The following CIC variants were observed in gnomAD, a reference collection of about 807,000 sequenced individuals.
The protein encoded by CIC is capicua transcriptional repressor.
Under a neutral mutation model 115.7 loss-of-function variants are expected in CIC, and 18 were observed. The ratio of observed to expected loss-of-function variants is 0.16; its 90% CI spans 0.11 to 0.23. The LOEUF (loss-of-function observed/expected upper bound fraction) is 0.23. Among genes scored for constraint, CIC ranks in the 10% least tolerant of loss-of-function variants. CIC has a pLI of 1.00. For missense variants in CIC, 2,000 were observed against 2,159.3 expected (o/e 0.93, Z 1.46); for synonymous variants, 1,076 against 923.0 (o/e 1.17, Z -3.01).
In CIC at chr19:42,270,740, G is replaced by A. The variant is rs1052843780; in HGVS notation, c.-10-1034G>A. Among the ~76,000 whole-genome samples, 1 of 152,066 alleles carries A rather than the reference G, an allele frequency of 6.6e-6. No homozygotes were observed. The highest frequency in any genetic ancestry group is 1.5e-5 in the Non-Finnish European group (1 of 67,986). On this transcript the variant is annotated intron_variant, in intron 1 of 20. Transcript: ENST00000681038. The surrounding 1 kb of genome is among the most constrained non-coding windows in gnomAD (Gnocchi z 4.1). ...GGGCTGGGCTTGCGGGTATCACGCT[G>A]GGTGCTGTGGGGGGAGGAGCAGGCT...
chr19:42,288,583 A>G (rs187693850), intron 7 of CIC, among the ~76,000 whole-genome samples: 1 of 152,174 alleles, frequency 6.6e-6, no homozygotes, highest in East Asian at 1.9e-4. Context: ...CCTCTTTGAG[A>G]TGAGGGAACC....
rs1388818761 is a variant in CIC at position 42,273,778 on chromosome 19, C to T, written c.1995C>T (p.Ala665=). 1 of 398,652 alleles carries T rather than the reference C, an allele frequency of 2.5e-6. No homozygotes were observed. The highest frequency in any genetic ancestry group is 4.4e-6 in the Non-Finnish European group (1 of 226,114). 24.7% of individuals were successfully genotyped at this position (398,652 alleles called of 1,614,324 possible). The change falls in exon 2 of 21, where the codon GCC becomes GCT. Residue 665 remains alanine (A), a synonymous_variant. Transcript: ENST00000681038. ...CAGTCCGCAGTCGCCACCTGAGCGC[C>T]AGCACCCCTAAGGCAGGCGTGCTGA... The part of the protein sequence containing the change: ...RTAVRSRHLS[A]STPKAGVLTP...
Position 42,292,698 on chromosome 19 carries a change from C to T in CIC, c.6035C>T (p.Thr2012Ile). The change falls in exon 15 of 21, where the codon ACC (threonine) becomes ATC (isoleucine). Residue 2012 changes from threonine (T) to isoleucine (I), a missense_variant. This residue lies in a region of CIC where 1,466 missense variants were observed against 1,390.4 expected (regional missense o/e 1.05). Transcript: ENST00000681038. ...TTTTACTCTGGCAGCCCTGCACCCACCTCCTCAGCACCCCTGGCCCAGCCA... is the reference window on the plus strand; with the variant it reads ...TTTTACTCTGGCAGCCCTGCACCCATCTCCTCAGCACCCCTGGCCCAGCCA... ...TAFYSGSPAP[T>I]SSAPLAQPSQ... 6.2e-7 allele frequency: 1 copy of T among 1,613,846 alleles called. No homozygotes were observed. The highest frequency in any genetic ancestry group is 8.5e-7 in the Non-Finnish European group (1 of 1,179,968).
intron 2 of CIC, among the ~76,000 whole-genome samples, chr19:42,276,028 T>C (rs1050144801): frequency 2.0e-5 from 3 of 152,170 alleles, no homozygotes; most frequent in African/African-American, 7.2e-5. Flanking sequence ...CCAGAGAAGA[T>C]GCCTGTCCAG....
At chr19:42,292,023 G>T in intron 12 of CIC, 63 bp from the exon 13 acceptor site, 1 of 1,610,204 alleles carries the variant, frequency 6.2e-7, no homozygotes, top group South Asian at 1.1e-5. Context: ...TGAGGTCTTG[G>T]TCTTCCCCTG....
In CIC at chr19:42,291,558, C is replaced by T. The variant is rs1355318527; in HGVS notation, c.5426C>T (p.Ala1809Val). 6.2e-7 allele frequency: 1 copy of T among 1,612,972 alleles called. No individual in the cohort carries two copies. The highest frequency in any genetic ancestry group is 1.1e-5 in the South Asian group (1 of 91,090). The part of the protein sequence containing the change: ...QSVPSAPPPK[A>V]QSVSPVQAPP... ...TCCTTTCTTGCCTCTTAACTTCCAG[C>T]CCAGTCAGTTTCTCCCGTGCAGGCC... Residue 1809 changes from alanine to valine, a missense_variant and splice_region_variant, in exon 12 of 21, where the codon GCC becomes GTC. Around this residue, in one of 8 missense-constraint regions of CIC, gnomAD observed 1,466 missense variants for 1,390.4 expected, o/e 1.05. Transcript: ENST00000681038.
chr19:42,288,195 C>G (rs1367542692), intron 7 of CIC, among the ~76,000 whole-genome samples: 1 of 152,234 alleles, frequency 6.6e-6, no homozygotes, highest in Non-Finnish European at 1.5e-5. Context: ...TCGTTATCAA[C>G]TGTTGTTTAA....
intron 1 of CIC, among the ~76,000 whole-genome samples, chr19:42,271,026 A>C (rs1259221523): frequency 7.9e-6 from 1 of 126,718 alleles, no homozygotes; most frequent in African/African-American, 3.1e-5. Flanking sequence ...TCAGCTGCCC[A>C]CTTCTTCCCA....
intron 7 of CIC, 32 bp downstream of exon 7, chr19:42,288,007 C>T: frequency 6.4e-7 from 1 of 1,563,716 alleles, no homozygotes. Context: ...CCCACCCTGC[C>T]ACCTCCCTCC....
At chr19:42,281,279 T>A (rs1460638558) in intron 2 of CIC, among the ~76,000 whole-genome samples, 3 of 152,050 alleles carry the variant, frequency 2.0e-5, no homozygotes, top group Non-Finnish European at 4.4e-5. Flanking sequence ...GCGGGCTCAA[T>A]AAATGGGCCC....
chr19:42,281,625 CT>C (rs2037257471), intron 2 of CIC, among the ~76,000 whole-genome samples: 1 of 152,170 alleles, frequency 6.6e-6, no homozygotes, highest in South Asian at 2.1e-4. Context: ...CTCCCCTCTG[CT>C]CCTAATCCAC....
chr19:42,293,853 G>C lies in CIC; in HGVS notation c.6767+17G>C. 6.2e-7 allele frequency: 1 copy of C among 1,613,136 alleles called. No individual in the cohort carries two copies. On this transcript the variant is annotated intron_variant, in intron 17 of 20. Transcript: ENST00000681038. Reference sequence around the variant, plus strand: ...TGTGGACAAGTGAGCATGGGCTGGGGCCTTGGTGGAGCGTGTTAGGGTGGC... The same window carrying C: ...TGTGGACAAGTGAGCATGGGCTGGGCCCTTGGTGGAGCGTGTTAGGGTGGC...
intron 2 of CIC, among the ~76,000 whole-genome samples, chr19:42,275,379 C>T (rs1344207835): frequency 6.6e-6 from 1 of 152,172 alleles, no homozygotes; most frequent in Non-Finnish European, 1.5e-5. Context: ...GAGGACAGGG[C>T]GTGTAAGCCA....
At chr19:42,281,742 C>A (rs28463673) in intron 2 of CIC, among the ~76,000 whole-genome samples, 2,323 of 152,318 alleles carry the variant, frequency 0.015, 59 homozygotes, top group African/African-American at 0.051. Flanking sequence ...CCCCTCCCTG[C>A]CAGGCTAGGC....
chr19:42,291,236 C>G lies in CIC; in HGVS notation c.5195C>G (p.Thr1732Ser). 2 of 1,612,038 alleles carry G rather than the reference C, an allele frequency of 1.2e-6. No homozygotes were observed. The highest frequency in any genetic ancestry group is 1.7e-6 in the Non-Finnish European group (2 of 1,179,560). Residue 1732 changes from threonine to serine, a missense_variant, in exon 11 of 21, where the codon ACC becomes AGC. Physicochemically the swap from Thr to Ser is moderately conservative, Grantham distance 58. Transcript: ENST00000681038. ...GCCCTGGGCAAGGCTGGGGGAATCA[C>G]CCAGGTACAGTACATCCTGCCCACG... ...PGALGKAGGI[T>S]QVQYILPTLP... is the part of the protein sequence containing the mutation.
In CIC at chr19:42,289,867, C is replaced by T. The variant is rs1669012789; in HGVS notation, c.4107C>T (p.Thr1369=). The part of the protein sequence containing the change: ...DDVIADDGFG[T]TDIDLKCKER... ...CCTCAGCTGACGATGGCTTCGGCAC[C>T]ACTGACATTGATCTCAAGTGCAAGG... Residue 1369 remains threonine (T), a synonymous_variant, in exon 10 of 21, where the codon ACC becomes ACT. Transcript: ENST00000681038. 4 of 1,606,830 alleles carry T rather than the reference C, an allele frequency of 2.5e-6. No homozygotes were observed. Among genetic ancestry groups the T allele is most frequent in the Non-Finnish European group, 3.4e-6 (4 of 1,176,986 alleles).
At chr19:42,277,480 T>C (rs1452327673) in intron 2 of CIC, among the ~76,000 whole-genome samples, 1 of 152,172 alleles carries the variant, frequency 6.6e-6, no homozygotes, top group Non-Finnish European at 1.5e-5. Flanking sequence ...TCCTCCTACC[T>C]TGGCCTCCCA....
intron 2 of CIC, among the ~76,000 whole-genome samples, chr19:42,285,026 A>T (rs2037530757): frequency 6.6e-6 from 1 of 151,910 alleles, no homozygotes. Flanking sequence ...TAGAAAGGTG[A>T]GGGGTGCAGA....
Position 42,294,221 on chromosome 19 carries a change from G to A in CIC, c.6971G>A (p.Arg2324Lys). ...EDPTSPKRKM[R>K]RRSSCSSEPN... ...CCCACCTCGCCCAAGCGCAAGATGAGAAGACGCTCCAGCTGCAGCTCGGAG... is the reference window on the plus strand; with the variant it reads ...CCCACCTCGCCCAAGCGCAAGATGAAAAGACGCTCCAGCTGCAGCTCGGAG... The change falls in exon 19 of 21, where the codon AGA (arginine) becomes AAA (lysine). Residue 2324 changes from arginine to lysine, a missense_variant. Arg to Lys is a conservative substitution (Grantham distance 26). Transcript: ENST00000681038. 2 of 1,613,878 alleles carry A rather than the reference G, an allele frequency of 1.2e-6. No homozygotes were observed. The highest frequency in any genetic ancestry group is 1.1e-5 in the South Asian group (1 of 91,084).
Sources: gnomAD v4.1 joint callset for allele counts (sites outside exome capture counted in the v4.1 genomes callset) on GRCh38, gnomAD v4.1.1 for gene constraint, gnomAD v4.1.1 regional missense constraint, Gnocchi (gnomAD v3.1) non-coding constraint, MANE v1.5 for transcripts, NCBI Gene and HGNC (gene_info 2026-07-23, HGNC 2026-07-21) for gene names.